Variants in FREM3 observed in about 807,000 individuals in gnomAD.
FREM3 encodes FRAS1 related extracellular matrix 3, also known as FRAS1-related extracellular matrix protein 3.
In FREM3, 105 loss-of-function variants were observed where a neutral mutation model predicts 129.1. The ratio of observed to expected loss-of-function variants is 0.81; its 90% CI spans 0.69 to 0.96. The LOEUF is 0.96. FREM3 is among the 40% of genes least tolerant of loss of function. The pLI, the probability that FREM3 is intolerant of heterozygous loss-of-function variation, is 0.00. For missense variants in FREM3, 2,593 were observed against 2,666.3 expected, an observed-to-expected ratio of 0.97 and a Z score of 0.61; for synonymous variants, 1,014 against 1,044.9, an observed-to-expected ratio of 0.97 and a Z score of 0.57.
chr4:143,692,422 G>T (rs1044135541), intron 2 of FREM3, among the ~76,000 whole-genome samples: 1 of 152,104 alleles, frequency 6.6e-6, no homozygotes, highest in Non-Finnish European at 1.5e-5. Flanking sequence ...ATTGAAAGAG[G>T]TTACTGAGTG....
At chr4:143,694,418 T>A (rs550903030) in intron 1 of FREM3, among the ~76,000 whole-genome samples, 32 of 152,028 alleles carry the variant, frequency 2.1e-4, no homozygotes, top group African/African-American at 7.7e-4. Context: ...AAAATCATGA[T>A]TTTTTTTCCT....
chr4:143,698,814 G>A lies in FREM3; in HGVS notation c.1862C>T (p.Pro621Leu), dbSNP rs1285653934. Residue 621 changes from proline (P) to leucine (L), a missense_variant, in exon 1 of 8, where the codon CCT becomes CTT. Pro to Leu is a moderately conservative substitution (Grantham distance 98, BLOSUM62 -3). Transcript: ENST00000329798. ...CCAGTCTTCATCTTCAGTTGAGAGAGGTAGTTCAGCCTGCTGCAGCAACAG... is the reference window on the plus strand; with the variant it reads ...CCAGTCTTCATCTTCAGTTGAGAGAAGTAGTTCAGCCTGCTGCAGCAACAG... Reference protein sequence around the residue: ...GDLLLQQAELPLSTEDEDWHY... With the variant: ...GDLLLQQAELLLSTEDEDWHY... 6.5e-7 allele frequency: 1 copy of A among 1,537,696 alleles called. No individual in the cohort carries two copies. The highest frequency in any genetic ancestry group is 2.4e-5 in the East Asian group (1 of 40,904).
intron 4 of FREM3, among the ~76,000 whole-genome samples, chr4:143,621,759 C>T (rs1738954984): frequency 2.0e-5 from 3 of 152,100 alleles, no homozygotes; most frequent in African/African-American, 7.2e-5. Context: ...TGTGTGCATA[C>T]ACCTAGACAT....
At chr4:143,643,189 A>T (rs1449479147) in intron 2 of FREM3, among the ~76,000 whole-genome samples, 1 of 152,144 alleles carries the variant, frequency 6.6e-6, no homozygotes, top group Non-Finnish European at 1.5e-5. Context: ...TACAGCAATG[A>T]TGGGAAACAG....
rs1364158568 is a variant in FREM3 at position 143,700,384 on chromosome 4, T to A, written c.292A>T (p.Thr98Ser). 1 of 1,534,920 alleles carries A rather than the reference T, an allele frequency of 6.5e-7. No homozygotes were observed. Among genetic ancestry groups the A allele is most frequent in the Non-Finnish European group, 8.7e-7 (1 of 1,146,170 alleles). Reference protein sequence around the residue: ...GVQPGDRCEVTVLDALPRLKG... With the variant: ...GVQPGDRCEVSVLDALPRLKG... Reference sequence around the variant, plus strand: ...AGCCGCGGCAGGGCGTCCAGTACCGTGACTTCGCACCGGTCCCCCGGCTGC... The same window carrying A: ...AGCCGCGGCAGGGCGTCCAGTACCGAGACTTCGCACCGGTCCCCCGGCTGC... Residue 98 changes from threonine to serine, a missense_variant, in exon 1 of 8, where the codon ACG (threonine) becomes TCG (serine). Thr to Ser is a moderately conservative substitution (Grantham distance 58, BLOSUM62 1). Coordinates refer to ENST00000329798, the MANE Select transcript of FREM3 (RefSeq NM_001168235.2).
chr4:143,614,731 A>T (rs1738815405), intron 5 of FREM3, among the ~76,000 whole-genome samples: 1 of 152,224 alleles, frequency 6.6e-6, no homozygotes, highest in South Asian at 2.1e-4. Context: ...TAGCATGGTG[A>T]TGTGCTCTCC....
chr4:143,673,521 A>G (rs1308461840), intron 2 of FREM3, among the ~76,000 whole-genome samples: 6 of 152,158 alleles, frequency 3.9e-5, no homozygotes, highest in Admixed American at 3.9e-4. Context: ...TGCCTCCCAG[A>G]TAGGCTATTC....
At chr4:143,693,033 G>A in intron 2 of FREM3, 80 bp downstream of exon 2, 1 of 644,776 alleles carries the variant, frequency 1.6e-6, no homozygotes, top group East Asian at 3.0e-5. Context: ...TACTTGCCCA[G>A]AAATGATTTA....
At chr4:143,646,523 TAATG>T (rs1053273668) in intron 2 of FREM3, among the ~76,000 whole-genome samples, 1 of 152,164 alleles carries the variant, frequency 6.6e-6, no homozygotes, top group Non-Finnish European at 1.5e-5. Flanking sequence ...GGTCTTGTGA[TAATG>T]AATGAGTTCT....
At chr4:143,608,350 C>T (rs1214392463) in intron 6 of FREM3, among the ~76,000 whole-genome samples, 3 of 152,238 alleles carry the variant, frequency 2.0e-5, no homozygotes, top group African/African-American at 7.2e-5. Context: ...AAGGTGGTCC[C>T]CAGAGTCACC....
intron 6 of FREM3, among the ~76,000 whole-genome samples, chr4:143,590,339 GT>G (rs1560836114): frequency 6.6e-6 from 1 of 152,198 alleles, no homozygotes; most frequent in African/African-American, 2.4e-5. Flanking sequence ...AATGTTTCCA[GT>G]TTTTGCCCAT....
chr4:143,679,387 G>A (rs529814422), intron 2 of FREM3, among the ~76,000 whole-genome samples: 3 of 152,136 alleles, frequency 2.0e-5, no homozygotes, highest in Admixed American at 6.6e-5. Context: ...AGAGCAATTT[G>A]TAGTAAAAAA....
At chr4:143,579,244 A>G (rs1000590318) in intron 7 of FREM3, among the ~76,000 whole-genome samples, 1 of 152,166 alleles carries the variant, frequency 6.6e-6, no homozygotes, top group Non-Finnish European at 1.5e-5. Flanking sequence ...ACTTGAGGCC[A>G]GGAGTTTGAG....
intron 6 of FREM3, among the ~76,000 whole-genome samples, chr4:143,594,865 C>T: frequency 6.6e-6 from 1 of 152,150 alleles, no homozygotes; most frequent in Non-Finnish European, 1.5e-5. Flanking sequence ...TACTCTTTAC[C>T]TTAGCTCTGT....
rs73852625 is a variant in FREM3, at chr4:143,598,355, C to T, written c.6029-12362G>A. 3.3e-3 allele frequency among the ~76,000 whole-genome samples: 502 copies of T among 152,296 alleles called. 1 individual carries two copies. The highest frequency in any genetic ancestry group is 4.0e-3 in the Non-Finnish European group (272 of 68,016). ...CAGCTTGGAGCTGTTTTCTTTTCCC[C>T]GTCCACTCACTTTGCACTGAGCTGA... On this transcript the variant is annotated intron_variant, in intron 6 of 7. Coordinates refer to ENST00000329798, the MANE Select transcript of FREM3 (RefSeq NM_001168235.2).
In FREM3 at chr4:143,699,452, C is replaced by T. The variant is rs1175524976; in HGVS notation, c.1224G>A (p.Val408=). The change falls in exon 1 of 8, where the codon GTG becomes GTA. Residue 408 remains valine (V), a synonymous_variant. Transcript: ENST00000329798. This position sits in a 1 kb window ranked among gnomAD's most constrained non-coding sequence, Gnocchi z 4.2. ...GERLFQLELE[V]VDGDGAASDP... ...CTGAGGCGGCGCCGTCTCCGTCCAC[C>T]ACCTCCAGCTCCAGCTGAAAGAGGC... 3 of 1,537,296 alleles carry T rather than the reference C, an allele frequency of 2.0e-6. No homozygotes were observed. The highest frequency in any genetic ancestry group is 2.0e-5 in the Admixed American group (1 of 51,008).
chr4:143,696,994 G>A lies in FREM3; in HGVS notation c.3682C>T (p.Leu1228Phe), dbSNP rs2149864480. 6.5e-7 allele frequency: 1 copy of A among 1,537,756 alleles called. No homozygotes were observed. The highest frequency in any genetic ancestry group is 8.7e-7 in the Non-Finnish European group (1 of 1,147,040). ...GADADLPPNE[L>F]HFQLTALPRH... is the part of the protein sequence containing the mutation. ...GGGAGGGCTGTGAGTTGAAAGTGGA[G>A]CTCATTTGGTGGCAGGTCAGCATCT... The change falls in exon 1 of 8, where the codon CTC (leucine) becomes TTC (phenylalanine). Residue 1228 changes from leucine (L) to phenylalanine (F), a missense_variant. Around this residue, in one of 2 missense-constraint regions of FREM3, gnomAD observed 2,276 missense variants for 2,267.2 expected, o/e 1.00. Coordinates refer to ENST00000329798, the MANE Select transcript of FREM3 (RefSeq NM_001168235.2).
intron 5 of FREM3, among the ~76,000 whole-genome samples, chr4:143,617,393 G>A (rs976437527): frequency 7.9e-5 from 12 of 152,084 alleles, no homozygotes; most frequent in Non-Finnish European, 2.9e-5. Flanking sequence ...ACAATAAACA[G>A]TTATTCAAAA....
At chr4:143,613,190 C>T (rs992172887) in intron 5 of FREM3, among the ~76,000 whole-genome samples, 12 of 152,230 alleles carry the variant, frequency 7.9e-5, no homozygotes, top group South Asian at 4.1e-4. Flanking sequence ...TTGACTGTTT[C>T]GTTATCCTGG....
Sources: gnomAD v4.1 joint callset for allele counts (sites outside exome capture counted in the v4.1 genomes callset) on GRCh38, gnomAD v4.1.1 for gene constraint, gnomAD v4.1.1 regional missense constraint, Gnocchi (gnomAD v3.1) non-coding constraint, MANE v1.5 for transcripts, NCBI Gene and HGNC (gene_info 2026-07-23, HGNC 2026-07-21) for gene names.